The following B3GALT1 variants were observed in gnomAD, a reference collection of about 807,000 sequenced individuals.
B3GALT1 encodes UDP-Gal:betaGlcNAc beta 1,3-galactosyltransferase, polypeptide 1.
In B3GALT1, 10 loss-of-function variants were observed where a neutral mutation model predicts 23.2. The ratio of observed to expected loss-of-function variants is 0.43; its 90% CI spans 0.27 to 0.73. The LOEUF (loss-of-function observed/expected upper bound fraction) is 0.73, where lower values mean the gene tolerates loss of function less well. B3GALT1 is among the 30% of genes least tolerant of loss of function. The pLI is 0.21. For missense variants in B3GALT1, 299 were observed against 405.4 expected, an observed-to-expected ratio of 0.74 and a Z score of 2.25; for synonymous variants, 156 against 141.5, an observed-to-expected ratio of 1.10 and a Z score of -0.73.
chr2:167,449,063 T>C (rs972496555), intron 1 of B3GALT1, among the ~76,000 whole-genome samples: 3 of 152,176 alleles, frequency 2.0e-5, no homozygotes, highest in Non-Finnish European at 2.9e-5. Context: ...TTGCTTAGTC[T>C]TCCTTTGGTT....
chr2:167,594,348 G>T (rs1014263136), intron 2 of B3GALT1, among the ~76,000 whole-genome samples: 1 of 152,080 alleles, frequency 6.6e-6, no homozygotes, highest in Non-Finnish European at 1.5e-5. Flanking sequence ...TTCTTTTAAT[G>T]TCAGGATGGC....
At chr2:167,750,800 T>C (rs1687723232) in intron 3 of B3GALT1, among the ~76,000 whole-genome samples, 1 of 150,796 alleles carries the variant, frequency 6.6e-6, no homozygotes, top group Admixed American at 6.6e-5. Flanking sequence ...GAGTGTCATA[T>C]CCCTTCTCTG....
At chr2:167,492,877 ATG>A (rs61117741) in intron 2 of B3GALT1, among the ~76,000 whole-genome samples, 141 of 148,714 alleles carry the variant, frequency 9.5e-4, no homozygotes, top group Non-Finnish European at 1.2e-3. Context: ...GTATTTAGAG[ATG>A]TGTGTGTGTG....
At chr2:167,817,571 T>G (rs1228295055) in intron 3 of B3GALT1, among the ~76,000 whole-genome samples, 2 of 152,180 alleles carry the variant, frequency 1.3e-5, no homozygotes, top group African/African-American at 4.8e-5. Flanking sequence ...ACAGAGAGTC[T>G]TTTAACAGAA....
intron 2 of B3GALT1, among the ~76,000 whole-genome samples, chr2:167,494,822 T>A (rs898640238): frequency 6.6e-6 from 1 of 152,174 alleles, no homozygotes; most frequent in Non-Finnish European, 1.5e-5. Flanking sequence ...ATCAGAATCA[T>A]TTGGGAGACA....
At chr2:167,550,912 T>C (rs935185562) in intron 2 of B3GALT1, among the ~76,000 whole-genome samples, 1 of 152,162 alleles carries the variant, frequency 6.6e-6, no homozygotes, top group Non-Finnish European at 1.5e-5. Flanking sequence ...TATGTTACAG[T>C]CCAGGGAGGG....
chr2:167,421,724 G>A (rs1268524455), intron 1 of B3GALT1, among the ~76,000 whole-genome samples: 1 of 152,112 alleles, frequency 6.6e-6, no homozygotes, highest in Non-Finnish European at 1.5e-5. Context: ...TGCATATGCA[G>A]TTCTTCCAAA....
chr2:167,776,044 A>G (rs1574256804), intron 3 of B3GALT1, among the ~76,000 whole-genome samples: 1 of 83,260 alleles, frequency 1.2e-5, no homozygotes, highest in African/African-American at 3.3e-5. Flanking sequence ...AACTGTGCAC[A>G]CACACACACA....
intron 2 of B3GALT1, among the ~76,000 whole-genome samples, chr2:167,630,707 CA>C (rs2105446754): frequency 6.6e-6 from 1 of 151,298 alleles, no homozygotes; most frequent in Admixed American, 6.6e-5. Context: ...TTAATCAAGA[CA>C]GGGTGTATGG....
intron 3 of B3GALT1, chr2:167,714,564 C>G (rs576783561): frequency 3.1e-6 from 5 of 1,613,434 alleles, no homozygotes; most frequent in Non-Finnish European, 4.2e-6. Context: ...GCATTAGGAT[C>G]TTTTTCTAAA....
intron 1 of B3GALT1, among the ~76,000 whole-genome samples, chr2:167,384,963 C>A (rs1405927338): frequency 6.6e-6 from 1 of 152,038 alleles, no homozygotes; most frequent in East Asian, 1.9e-4. Context: ...GCAGTGTCCT[C>A]AGTCTCCTCC....
intron 2 of B3GALT1, among the ~76,000 whole-genome samples, chr2:167,569,590 A>G (rs946105501): frequency 6.6e-6 from 1 of 151,846 alleles, no homozygotes; most frequent in Non-Finnish European, 1.5e-5. Flanking sequence ...TTTCTAGACA[A>G]TCACGTCATT....
At chr2:167,449,015 TA>T (rs1446626847) in intron 1 of B3GALT1, among the ~76,000 whole-genome samples, 5 of 152,296 alleles carry the variant, frequency 3.3e-5, no homozygotes, top group African/African-American at 1.2e-4. Context: ...TGGTATAGTT[TA>T]AAGTTGGGTA....
At chr2:167,424,731 G>A (rs1258357117) in intron 1 of B3GALT1, among the ~76,000 whole-genome samples, 2 of 152,140 alleles carry the variant, frequency 1.3e-5, no homozygotes, top group African/African-American at 4.8e-5. Flanking sequence ...GTATACTTTT[G>A]TAATAGCCAT....
Position 167,474,855 on chromosome 2 carries a change from G to A in B3GALT1, c.-510-15322G>A, listed in dbSNP as rs1699468127. ...GTAGTTTGCTCTCCAAAGGGAGTACGTAAATGTGATTATAAAGTGATTCTA... is the reference window on the plus strand; with the variant it reads ...GTAGTTTGCTCTCCAAAGGGAGTACATAAATGTGATTATAAAGTGATTCTA... On this transcript the variant is annotated intron_variant, in intron 1 of 4. Transcript: ENST00000392690. Among the ~76,000 whole-genome samples the A allele has an allele frequency of 3.9e-5, 6 of 152,068 alleles. 1 individual carries two copies. Among genetic ancestry groups the A allele is most frequent in the Non-Finnish European group, 8.8e-5 (6 of 68,006 alleles).
chr2:167,433,103 T>A (rs1698729336), intron 1 of B3GALT1, among the ~76,000 whole-genome samples: 1 of 152,188 alleles, frequency 6.6e-6, no homozygotes, highest in Non-Finnish European at 1.5e-5. Context: ...CCCTCCTTTT[T>A]CCCAACTCCT....
At chr2:167,824,338 A>G (rs10202956) in intron 4 of B3GALT1, among the ~76,000 whole-genome samples, 4,912 of 152,302 alleles carry the variant, frequency 0.032, 260 homozygotes, top group African/African-American at 0.11. Flanking sequence ...TAAAGAAAGA[A>G]ATTTAGAGGA....
intron 2 of B3GALT1, among the ~76,000 whole-genome samples, chr2:167,499,743 A>G (rs1699826824): frequency 6.6e-6 from 1 of 152,166 alleles, no homozygotes; most frequent in African/African-American, 2.4e-5. Flanking sequence ...TAGAGAGAAC[A>G]TAACACTTAG....
chr2:167,666,090 G>T (rs1198486758), intron 3 of B3GALT1, among the ~76,000 whole-genome samples: 1 of 152,162 alleles, frequency 6.6e-6, no homozygotes, highest in East Asian at 1.9e-4. Flanking sequence ...GGCATTTAGT[G>T]CTGTAAATTT....
Sources: allele counts gnomAD v4.1 joint callset (sites outside exome capture counted in the v4.1 genomes callset), GRCh38; gene constraint gnomAD v4.1.1; transcripts MANE v1.5; gene names NCBI Gene and HGNC (gene_info 2026-07-23, HGNC 2026-07-21).